The following DLG2 variants were observed in gnomAD, a reference collection of about 807,000 sequenced individuals.
DLG2 encodes the protein discs large MAGUK scaffold protein 2, also known as disks large homolog 2.
Under a neutral mutation model 132.5 loss-of-function variants are expected in DLG2, and 45 were observed. The observed-to-expected ratio is 0.34, with a 90% CI of 0.27 to 0.44. DLG2 has a LOEUF of 0.44. DLG2 is among the 20% of genes least tolerant of loss of function. DLG2 has a pLI of 1.00. For synonymous variants in DLG2, 424 were observed against 419.6 expected, an observed-to-expected ratio of 1.01 and a Z score of -0.13; for missense variants, 1,045 against 1,196.9, an observed-to-expected ratio of 0.87 and a Z score of 1.87.
intron 7 of DLG2, chr11:84,317,173 G>T (rs1168929238): frequency 1.3e-6 from 2 of 1,586,182 alleles, no homozygotes; most frequent in East Asian, 2.2e-5. Flanking sequence ...TCTTTCCTTT[G>T]GTCAGCTCTG....
rs1265391769 is a variant in DLG2, at chr11:85,428,381, A to G, written c.41-143016T>C. ...AAATTGACCACTTAGTCGGAAGTAA[A>G]GCACTCCTCAGCAAATGTAAAAGAA... On this transcript the variant is annotated intron_variant, in intron 3 of 27. Transcript: ENST00000376104. 2.0e-5 allele frequency among the ~76,000 whole-genome samples: 3 copies of G among 152,222 alleles called. No homozygotes were observed. The East Asian group carries it at 5.8e-4, about 29-fold the overall frequency.
At chr11:84,056,010 C>G (rs192779924) in intron 11 of DLG2, among the ~76,000 whole-genome samples, 13 of 152,010 alleles carry the variant, frequency 8.6e-5, no homozygotes, top group Admixed American at 5.9e-4. Flanking sequence ...TTGATGCTTA[C>G]TATATTGTAC....
intron 6 of DLG2, among the ~76,000 whole-genome samples, chr11:84,770,237 G>T (rs2069083309): frequency 6.6e-6 from 1 of 152,148 alleles, no homozygotes; most frequent in Non-Finnish European, 1.5e-5. Context: ...GGCCTCCTCA[G>T]AAGCTGAGCA....
chr11:83,844,087 G>T (rs1401139628), intron 16 of DLG2, among the ~76,000 whole-genome samples: 1 of 152,130 alleles, frequency 6.6e-6, no homozygotes, highest in Non-Finnish European at 1.5e-5. Context: ...GCATGAATAG[G>T]ACTGTGTGAG....
At chr11:84,904,934 T>G (rs983661041) in intron 6 of DLG2, among the ~76,000 whole-genome samples, 1 of 152,202 alleles carries the variant, frequency 6.6e-6, no homozygotes, top group African/African-American at 2.4e-5. Context: ...TTTTTTGTTT[T>G]GTTTTTTGAG....
intron 4 of DLG2, among the ~76,000 whole-genome samples, chr11:85,270,311 G>C (rs751035372): frequency 2.6e-5 from 4 of 152,164 alleles, no homozygotes; most frequent in Admixed American, 1.3e-4. Flanking sequence ...GTCTTCTCTT[G>C]TCTGCCGCCA....
chr11:84,444,196 A>G (rs544974732), intron 7 of DLG2, among the ~76,000 whole-genome samples: 3 of 152,182 alleles, frequency 2.0e-5, no homozygotes, highest in Middle Eastern at 3.4e-3. Context: ...GGCAGGGTAA[A>G]CAACATACAC....
At chr11:83,649,469 T>C (rs960274154) in intron 18 of DLG2, among the ~76,000 whole-genome samples, 2 of 152,144 alleles carry the variant, frequency 1.3e-5, no homozygotes, top group African/African-American at 4.8e-5. Flanking sequence ...GTGAGGAAAT[T>C]CTTTCTATGC....
At position 85,250,870 on chromosome 11, in the gene DLG2, T is replaced by C. The variant is rs534846738; in HGVS notation, c.186+34350A>G. 3.5e-4 allele frequency among the ~76,000 whole-genome samples: 54 copies of C among 152,304 alleles called. No individual in the cohort carries two copies. The South Asian group carries it at 4.3e-3, about 12-fold the overall frequency. Reference sequence around the variant, plus strand: ...TTGTAAGATTTGAAAAAAATATATATTTTAACTACAAATGTTTAAGATTAT... The same window carrying C: ...TTGTAAGATTTGAAAAAAATATATACTTTAACTACAAATGTTTAAGATTAT... On this transcript the variant is annotated intron_variant, in intron 4 of 27. Coordinates refer to ENST00000376104, the MANE Select transcript of DLG2 (RefSeq NM_001142699.3).
intron 12 of DLG2, among the ~76,000 whole-genome samples, chr11:83,980,265 G>GT (rs1401783185): frequency 6.6e-6 from 1 of 152,182 alleles, no homozygotes; most frequent in Non-Finnish European, 1.5e-5. Flanking sequence ...GAAAGGCCAT[G>GT]TGAGGACACA....
chr11:83,603,135 A>T (rs1027082156), intron 19 of DLG2, among the ~76,000 whole-genome samples: 2 of 152,062 alleles, frequency 1.3e-5, no homozygotes, highest in Non-Finnish European at 2.9e-5. Flanking sequence ...TCGCATATTC[A>T]ATAAATCATA....
intron 4 of DLG2, among the ~76,000 whole-genome samples, chr11:85,271,426 C>T (rs1313225055): frequency 6.6e-6 from 1 of 152,200 alleles, no homozygotes; most frequent in Non-Finnish European, 1.5e-5. Context: ...GGTGGGTGCC[C>T]CCACACAGAG....
chr11:84,098,684 C>A (rs1378835301), intron 10 of DLG2, among the ~76,000 whole-genome samples: 1 of 152,152 alleles, frequency 6.6e-6, no homozygotes, highest in Non-Finnish European at 1.5e-5. Flanking sequence ...TTATCTTCAT[C>A]CCCTCCTCAC....
chr11:85,347,579 G>A (rs1008969047), intron 3 of DLG2, among the ~76,000 whole-genome samples: 5 of 151,924 alleles, frequency 3.3e-5, no homozygotes, highest in African/African-American at 4.8e-5. Context: ...ATATAAAAGG[G>A]TATATAAGCT....
intron 6 of DLG2, among the ~76,000 whole-genome samples, chr11:84,772,798 C>T (rs1005431333): frequency 2.0e-5 from 3 of 151,906 alleles, no homozygotes; most frequent in Non-Finnish European, 4.4e-5. Flanking sequence ...GCAAAAGCAG[C>T]GGTAAGAGGA....
chr11:83,656,327 G>A (rs1218570560), intron 18 of DLG2, among the ~76,000 whole-genome samples: 1 of 152,162 alleles, frequency 6.6e-6, no homozygotes, highest in African/African-American at 2.4e-5. Flanking sequence ...AACAAGAACT[G>A]TCTTAGAGCC....
intron 8 of DLG2, among the ~76,000 whole-genome samples, chr11:84,232,495 T>C (rs1483966210): frequency 6.6e-6 from 1 of 152,212 alleles, no homozygotes; most frequent in Non-Finnish European, 1.5e-5. Flanking sequence ...CTAAAATTCA[T>C]ATACTGAAAT....
chr11:84,077,342 C>A (rs1194714759), intron 10 of DLG2, among the ~76,000 whole-genome samples: 7 of 152,116 alleles, frequency 4.6e-5, no homozygotes, highest in Admixed American at 3.9e-4. Flanking sequence ...TTGATTTTGC[C>A]AAATCTAATG....
chr11:84,632,238 C>G (rs1371758609), intron 6 of DLG2, among the ~76,000 whole-genome samples: 1 of 151,682 alleles, frequency 6.6e-6, no homozygotes, highest in Admixed American at 6.6e-5. Context: ...AGCAGAGACT[C>G]CAGAACTCTT....
Sources: gnomAD v4.1 joint callset for allele counts (sites outside exome capture counted in the v4.1 genomes callset) on GRCh38, gnomAD v4.1.1 for gene constraint, MANE v1.5 for transcripts, NCBI Gene and HGNC (gene_info 2026-07-23, HGNC 2026-07-21) for gene names.